The following UVRAG variants were observed in gnomAD, a reference collection of about 807,000 sequenced individuals.
UVRAG encodes the protein UV radiation resistance associated, also known as UV radiation resistance-associated gene protein.
A neutral mutation model predicts 78.0 loss-of-function variants in UVRAG; 19 were observed. The ratio of observed to expected loss-of-function variants is 0.24; its 90% CI spans 0.17 to 0.36. UVRAG has a LOEUF of 0.36. Among genes scored for constraint, UVRAG ranks in the 10% least tolerant of loss-of-function variants. The pLI is 1.00. For synonymous variants in UVRAG, 323 were observed against 324.6 expected (o/e 1.00, Z 0.05); for missense variants, 740 against 853.8 (o/e 0.87, Z 1.66).
intron 2 of UVRAG, among the ~76,000 whole-genome samples, chr11:75,854,950 A>T (rs1946253890): frequency 6.6e-6 from 1 of 152,184 alleles, no homozygotes; most frequent in Non-Finnish European, 1.5e-5. Context: ...GGTTACCTTA[A>T]CAAAACTTCT....
intron 14 of UVRAG, among the ~76,000 whole-genome samples, chr11:76,124,894 A>G (rs1400053113): frequency 6.6e-6 from 1 of 152,258 alleles, no homozygotes; most frequent in South Asian, 2.1e-4. Context: ...ATGAAAATTT[A>G]GAATAAGTGA....
chr11:76,058,609 T>TA (rs569289192), intron 12 of UVRAG, among the ~76,000 whole-genome samples: 13 of 151,882 alleles, frequency 8.6e-5, no homozygotes, highest in Non-Finnish European at 1.5e-4. Flanking sequence ...TTAAATGTGA[T>TA]ATAGCTGTCA....
At chr11:76,055,607 T>C (rs1950967265) in intron 12 of UVRAG, among the ~76,000 whole-genome samples, 1 of 152,254 alleles carries the variant, frequency 6.6e-6, no homozygotes, top group African/African-American at 2.4e-5. Context: ...CAGATATCAG[T>C]AGACTTCCCC....
At chr11:75,873,051 C>T (rs1055431258) in intron 3 of UVRAG, among the ~76,000 whole-genome samples, 1 of 152,160 alleles carries the variant, frequency 6.6e-6, no homozygotes, top group South Asian at 2.1e-4. Context: ...AGAAAGTTAA[C>T]CACTCACAGG....
chr11:75,897,096 T>G (rs1253740890), intron 5 of UVRAG, among the ~76,000 whole-genome samples: 7 of 152,182 alleles, frequency 4.6e-5, no homozygotes, highest in Non-Finnish European at 4.4e-5. Flanking sequence ...GGAGCAAATC[T>G]TTGTGGATGA....
chr11:75,838,679 T>A (rs1476737394), intron 1 of UVRAG, among the ~76,000 whole-genome samples: 1 of 152,200 alleles, frequency 6.6e-6, no homozygotes, highest in Non-Finnish European at 1.5e-5. Flanking sequence ...ATAGATGTTG[T>A]CAGATTGCCA....
chr11:76,083,687 A>C (rs1264326976), intron 13 of UVRAG, among the ~76,000 whole-genome samples: 1 of 152,206 alleles, frequency 6.6e-6, no homozygotes, highest in African/African-American at 2.4e-5. Context: ...TGTATAACCA[A>C]GCCAAAAAAT....
intron 13 of UVRAG, among the ~76,000 whole-genome samples, chr11:76,110,833 A>G (rs1036013490): frequency 6.6e-6 from 1 of 152,128 alleles, no homozygotes; most frequent in Non-Finnish European, 1.5e-5. Context: ...TTTTTTATAT[A>G]TAAAATCCCA....
intron 14 of UVRAG, among the ~76,000 whole-genome samples, chr11:76,120,277 T>A (rs1952251208): frequency 1.3e-5 from 2 of 152,184 alleles, no homozygotes; most frequent in South Asian, 4.1e-4. Context: ...AAATTAGAGA[T>A]GAAAAAGCAT....
In UVRAG at chr11:76,008,735, C is replaced by G; in HGVS notation, c.1000-72C>G. On this transcript the variant is annotated intron_variant, in intron 10 of 14. Transcript: ENST00000356136. ...AACAGTGTTTTGAGTCAGCACCGAC[C>G]TGCTGATCTGAGATTTAACTTAGAG... 7.1e-6 allele frequency: 6 copies of G among 842,146 alleles called. No individual in the cohort carries two copies. In the South Asian group the frequency reaches 1.1e-4, roughly 16 times the overall value. The allele number at this position is 842,146 out of a possible 1,614,324, so 52.2% of individuals were successfully genotyped here.
chr11:76,090,738 T>C (rs1042516488), intron 13 of UVRAG, among the ~76,000 whole-genome samples: 52 of 152,252 alleles, frequency 3.4e-4, no homozygotes, highest in African/African-American at 1.1e-3. Context: ...AGTGTGCTTA[T>C]AACTAATTTC....
chr11:76,029,040 C>T (rs1478775176), intron 12 of UVRAG, among the ~76,000 whole-genome samples: 4 of 152,122 alleles, frequency 2.6e-5, no homozygotes, highest in Admixed American at 2.0e-4. Flanking sequence ...AATACAGCTG[C>T]TAACTTTAAG....
At chr11:76,037,965 A>G (rs756047334) in intron 12 of UVRAG, among the ~76,000 whole-genome samples, 4 of 152,132 alleles carry the variant, frequency 2.6e-5, no homozygotes, top group Admixed American at 6.5e-5. Flanking sequence ...AAACAAACAA[A>G]AGGTAACAAT....
chr11:76,050,732 A>AT (rs911522684), intron 12 of UVRAG, among the ~76,000 whole-genome samples: 1 of 152,106 alleles, frequency 6.6e-6, no homozygotes, highest in African/African-American at 2.4e-5. Context: ...TGGGTCATAG[A>AT]TTTTTTTTAA....
At chr11:76,052,599 T>C (rs143291350) in intron 12 of UVRAG, among the ~76,000 whole-genome samples, 48 of 152,224 alleles carry the variant, frequency 3.2e-4, no homozygotes, top group African/African-American at 1.1e-3. Context: ...GTCAATCCAG[T>C]AGACGTTTAA....
intron 3 of UVRAG, among the ~76,000 whole-genome samples, chr11:75,876,302 T>C (rs1946778549): frequency 6.6e-6 from 1 of 152,222 alleles, no homozygotes; most frequent in Middle Eastern, 3.2e-3. Context: ...CTTTTATATT[T>C]ACCCACATGT....
At chr11:75,881,093 C>T (rs1391525808) in intron 4 of UVRAG, among the ~76,000 whole-genome samples, 1 of 151,790 alleles carries the variant, frequency 6.6e-6, no homozygotes, top group Non-Finnish European at 1.5e-5. Context: ...CCTGCCTCAG[C>T]AAGTAGCTGG....
intron 13 of UVRAG, among the ~76,000 whole-genome samples, chr11:76,073,735 A>G (rs559115598): frequency 6.6e-6 from 1 of 152,358 alleles, no homozygotes; most frequent in South Asian, 2.1e-4. Context: ...CTTTATTGAT[A>G]GGGTTTCAGA....
chr11:76,108,399 A>G (rs759931556), intron 13 of UVRAG, among the ~76,000 whole-genome samples: 10 of 152,222 alleles, frequency 6.6e-5, no homozygotes, highest in African/African-American at 2.4e-4. Flanking sequence ...ATTTCTCAGC[A>G]GTAAAATCAT....
Sources: allele counts gnomAD v4.1 joint callset (sites outside exome capture counted in the v4.1 genomes callset), GRCh38; gene constraint gnomAD v4.1.1; transcripts MANE v1.5; gene names NCBI Gene and HGNC (gene_info 2026-07-23, HGNC 2026-07-21).